CDKAL1: variants seen among roughly 807,000 people sequenced by gnomAD.
CDKAL1 encodes the protein CDKAL1 threonylcarbamoyladenosine tRNA methylthiotransferase, also known as threonylcarbamoyladenosine tRNA methylthiotransferase.
CDKAL1 carries 32 observed loss-of-function variants against 68.2 expected under a neutral mutation model. That is an observed-to-expected ratio of 0.47 (90% CI 0.35 to 0.63). CDKAL1 has a LOEUF of 0.63. Ranked by LOEUF, CDKAL1 falls within the 30% of genes least tolerant of loss-of-function variation. The pLI is 0.00. For missense variants in CDKAL1, 606 were observed against 696.7 expected (o/e 0.87, Z 1.47); for synonymous variants, 234 against 244.3 (o/e 0.96, Z 0.39).
intron 11 of CDKAL1, among the ~76,000 whole-genome samples, chr6:21,027,149 C>T (rs1329257035): frequency 3.9e-5 from 6 of 152,144 alleles, no homozygotes; most frequent in South Asian, 2.1e-4. Context: ...GCTAAAAATC[C>T]TGGCTGAAGG....
At chr6:20,787,048 A>G (rs1250896959) in intron 8 of CDKAL1, among the ~76,000 whole-genome samples, 1 of 152,120 alleles carries the variant, frequency 6.6e-6, no homozygotes, top group Non-Finnish European at 1.5e-5. Flanking sequence ...CTATCAGATT[A>G]TCCTTAGCTT....
intron 13 of CDKAL1, among the ~76,000 whole-genome samples, chr6:21,180,893 T>C (rs1348730210): frequency 6.6e-6 from 1 of 152,210 alleles, no homozygotes; most frequent in African/African-American, 2.4e-5. Context: ...TTTTTTCTGC[T>C]GCTATAACAG....
At chr6:21,159,931 C>T (rs546682576) in intron 13 of CDKAL1, among the ~76,000 whole-genome samples, 1 of 152,326 alleles carries the variant, frequency 6.6e-6, no homozygotes, top group Admixed American at 6.5e-5. Flanking sequence ...GACTTCCTAG[C>T]TGCTCTTGAA....
chr6:21,093,887 CA>C (rs1237643385), intron 12 of CDKAL1, among the ~76,000 whole-genome samples: 4 of 138,440 alleles, frequency 2.9e-5, no homozygotes, highest in Non-Finnish European at 6.1e-5. Flanking sequence ...TGCACCACCA[CA>C]CCTGGCTTTT....
chr6:20,829,674 C>T (rs1777634128), intron 8 of CDKAL1, among the ~76,000 whole-genome samples: 1 of 152,136 alleles, frequency 6.6e-6, no homozygotes, highest in African/African-American at 2.4e-5. Context: ...GAAAAAGTAG[C>T]ATCAAATGTT....
chr6:20,887,165 T>G (rs1023252043), intron 9 of CDKAL1, among the ~76,000 whole-genome samples: 1 of 152,200 alleles, frequency 6.6e-6, no homozygotes, highest in Non-Finnish European at 1.5e-5. Context: ...ATTTAAAAGA[T>G]TAACAGCACT....
chr6:20,753,561 G>C (rs1774025781), intron 6 of CDKAL1, among the ~76,000 whole-genome samples: 2 of 152,194 alleles, frequency 1.3e-5, no homozygotes, highest in Admixed American at 1.3e-4. Flanking sequence ...ATCTGGGTTT[G>C]TGTAAGTACA....
In CDKAL1 at chr6:20,864,897, T is replaced by C. The variant is rs1003490334; in HGVS notation, c.742+18719T>C. Among the ~76,000 whole-genome samples, 3 of 152,178 alleles carry C rather than the reference T, an allele frequency of 2.0e-5. No homozygotes were observed. In the East Asian group the frequency reaches 5.8e-4, roughly 29 times the overall value. Reference sequence around the variant, plus strand: ...ATAAACATAAATAGCACATGGCTGATTTTATCTCTTTATTTTTATTCTTTT... The same window carrying C: ...ATAAACATAAATAGCACATGGCTGACTTTATCTCTTTATTTTTATTCTTTT... On this transcript the variant is annotated intron_variant, in intron 9 of 15. Coordinates refer to ENST00000274695, the MANE Select transcript of CDKAL1 (RefSeq NM_017774.3).
At chr6:21,081,419 A>G (rs9366376) in intron 12 of CDKAL1, among the ~76,000 whole-genome samples, 32,926 of 152,090 alleles carry the variant, frequency 0.22, 3,648 homozygotes, top group East Asian at 0.28. Flanking sequence ...GCAAGGATCT[A>G]TATAATAATT....
At chr6:21,022,044 T>C (rs558573423) in intron 11 of CDKAL1, among the ~76,000 whole-genome samples, 1 of 152,300 alleles carries the variant, frequency 6.6e-6, no homozygotes, top group African/African-American at 2.4e-5. Context: ...GAAGGGCCAA[T>C]GTTTGAGATC....
rs150408898 is a variant in CDKAL1 at position 20,873,779 on chromosome 6, C to A, written c.742+27601C>A. Among the ~76,000 whole-genome samples the A allele has an allele frequency of 3.6e-3, 553 of 152,232 alleles. 5 individuals are homozygous for A. Among genetic ancestry groups the A allele is most frequent in the African/African-American group, 0.012 (486 of 41,532 alleles). ...TCATGTTACAATTTTTGTAACCTTG[C>A]TTAATTTTTAATATTCTTTGAGCCT... On this transcript the variant is annotated intron_variant, in intron 9 of 15. Transcript: ENST00000274695.
In CDKAL1 at chr6:20,860,933, ATT is replaced by A. The variant is rs70990075; in HGVS notation, c.742+14774_742+14775del. Among the ~76,000 whole-genome samples, 585 of 134,160 alleles carry A rather than the reference ATT, an allele frequency of 4.4e-3. 1 individual carries two copies. Among genetic ancestry groups the A allele is most frequent in the African/African-American group, 5.5e-3 (197 of 36,040 alleles). 88.0% of individuals were successfully genotyped at this position (134,160 alleles called of 152,430 possible). A position where few individuals can be genotyped will look rare whatever the true frequency, so the allele number is the denominator to read the frequency against. The stretch of plus-strand genomic sequence containing the variant: ...AGAAACATTCTGCGTAGTGTGGTCT[ATT>A]TTTTTTTTTTTTTTTTTTAGAGAAA... On this transcript the variant is annotated intron_variant, in intron 9 of 15. Transcript: ENST00000274695.
At chr6:20,995,826 T>A (rs1767077299) in intron 10 of CDKAL1, among the ~76,000 whole-genome samples, 1 of 152,188 alleles carries the variant, frequency 6.6e-6, no homozygotes, top group Non-Finnish European at 1.5e-5. Context: ...GAAGCATTGC[T>A]TCAAAGCCTT....
At chr6:21,213,278 G>A (rs777107798) in intron 15 of CDKAL1, among the ~76,000 whole-genome samples, 1 of 152,182 alleles carries the variant, frequency 6.6e-6, no homozygotes, top group South Asian at 2.1e-4. Context: ...AGCCCTGAAC[G>A]CTGCCTGACA....
intron 15 of CDKAL1, among the ~76,000 whole-genome samples, chr6:21,212,813 C>T (rs1046671481): frequency 2.0e-5 from 3 of 152,040 alleles, no homozygotes; most frequent in Non-Finnish European, 2.9e-5. Flanking sequence ...TTTCTCCTGT[C>T]CCTCTCTCTC....
chr6:20,916,451 G>T (rs1443538431), intron 9 of CDKAL1, among the ~76,000 whole-genome samples: 1 of 152,182 alleles, frequency 6.6e-6, no homozygotes, highest in African/African-American at 2.4e-5. Context: ...TGGCAAATAG[G>T]TGGGCAGAAG....
At chr6:21,230,783 T>G in intron 15 of CDKAL1, 65 bp from the exon 16 acceptor site, 1 of 1,274,808 alleles carries the variant, frequency 7.8e-7, no homozygotes, top group Non-Finnish European at 1.1e-6. Context: ...ATTGCTTGAT[T>G]GATATCACAA....
intron 1 of CDKAL1, among the ~76,000 whole-genome samples, 151 bp downstream of exon 1, chr6:20,534,725 TGGG>T (rs1319064325): frequency 6.6e-6 from 1 of 152,124 alleles, no homozygotes; most frequent in Admixed American, 6.5e-5. Flanking sequence ...ATGGGGGAAT[TGGG>T]AGGCAGATGG....
intron 9 of CDKAL1, among the ~76,000 whole-genome samples, chr6:20,877,148 CTT>C (rs1212175991): frequency 6.6e-6 from 1 of 152,068 alleles, no homozygotes; most frequent in African/African-American, 2.4e-5. Flanking sequence ...ATGGGAAAGA[CTT>C]TTGTGGTTAG....
Sources: gnomAD v4.1 joint callset for allele counts (sites outside exome capture counted in the v4.1 genomes callset) on GRCh38, gnomAD v4.1.1 for gene constraint, MANE v1.5 for transcripts, NCBI Gene and HGNC (gene_info 2026-07-23, HGNC 2026-07-21) for gene names.